Variants in RAP1GAP2 observed in about 807,000 individuals in gnomAD.
RAP1GAP2 encodes RAP1 GTPase activating protein 2.
In RAP1GAP2, 27 loss-of-function variants were observed where a neutral mutation model predicts 95.0. The ratio of observed to expected loss-of-function variants is 0.28; its 90% CI spans 0.21 to 0.39. The LOEUF (loss-of-function observed/expected upper bound fraction) is 0.39, where lower values mean the gene tolerates loss of function less well. Ranked by LOEUF, RAP1GAP2 falls within the 10% of genes least tolerant of loss-of-function variation. The pLI is 1.00. For synonymous variants in RAP1GAP2, 373 were observed against 380.9 expected (o/e 0.98, Z 0.24); for missense variants, 771 against 970.0 (o/e 0.79, Z 2.72).
At chr17:2,905,040 C>T (rs141217695) in intron 2 of RAP1GAP2, among the ~76,000 whole-genome samples, 1,974 of 152,222 alleles carry the variant, frequency 0.013, 41 homozygotes, top group African/African-American at 0.043. Flanking sequence ...CACCACCACG[C>T]CCAGCTAATT....
intron 13 of RAP1GAP2, 106 bp from the exon 14 acceptor site, chr17:2,998,115 G>A: frequency 1.6e-6 from 2 of 1,278,980 alleles, no homozygotes; most frequent in East Asian, 4.7e-5. Flanking sequence ...TTCTCACTCA[G>A]AATTCAGTTT....
intron 8 of RAP1GAP2, among the ~76,000 whole-genome samples, chr17:2,968,922 G>T (rs1239659662): frequency 6.6e-6 from 1 of 152,018 alleles, no homozygotes; most frequent in Admixed American, 6.6e-5. Flanking sequence ...AAAGCAATCA[G>T]TGTGATAAAG....
intron 2 of RAP1GAP2, among the ~76,000 whole-genome samples, chr17:2,832,781 G>T (rs1158683582): frequency 1.3e-5 from 2 of 151,692 alleles, no homozygotes; most frequent in East Asian, 3.9e-4. Flanking sequence ...TTCGAGTCCA[G>T]CCTGGCCAAC....
intron 2 of RAP1GAP2, among the ~76,000 whole-genome samples, chr17:2,859,462 G>A (rs2072282944): frequency 6.6e-6 from 1 of 151,800 alleles, no homozygotes; most frequent in Non-Finnish European, 1.5e-5. Context: ...TGGAGATGTG[G>A]TCTCACTCTG....
chr17:2,867,193 C>A lies in RAP1GAP2; in HGVS notation c.81-38091C>A, dbSNP rs1451161339. Among the ~76,000 whole-genome samples, 1 of 152,216 alleles carries A rather than the reference C, an allele frequency of 6.6e-6. No homozygotes were observed. The highest frequency in any genetic ancestry group is 1.5e-5 in the Non-Finnish European group (1 of 68,050). ...GGGATTACAGGTGTGAGCCACCGTG[C>A]CTGGCCTCTGATTGGTCATTTAGCT... is the stretch of plus-strand genomic sequence containing the variant. On this transcript the variant is annotated intron_variant, in intron 2 of 24. Transcript: ENST00000254695. The surrounding 1 kb of genome is among the most constrained non-coding windows in gnomAD (Gnocchi z 4.5).
chr17:2,974,360 A>AT (rs58989524), intron 8 of RAP1GAP2, among the ~76,000 whole-genome samples: 4 of 151,786 alleles, frequency 2.6e-5, no homozygotes, highest in Non-Finnish European at 4.4e-5. Context: ...AAAAAAAAAA[A>AT]GAAGGAAAAT....
At chr17:2,984,538 A>G (rs1268794315) in intron 10 of RAP1GAP2, among the ~76,000 whole-genome samples, 2 of 152,148 alleles carry the variant, frequency 1.3e-5, no homozygotes, top group Admixed American at 1.3e-4. Flanking sequence ...CATTTTATGC[A>G]GAGGGGACTG....
At chr17:2,812,510 C>CTCAA (rs1248078277) in intron 2 of RAP1GAP2, among the ~76,000 whole-genome samples, 7 of 152,142 alleles carry the variant, frequency 4.6e-5, no homozygotes, top group Non-Finnish European at 8.8e-5. Flanking sequence ...GAAGGCAGAC[C>CTCAA]TTGATAGTGC....
At position 2,986,540 on chromosome 17, in the gene RAP1GAP2, A is replaced by ATT. The variant is rs397964863; in HGVS notation, c.813+1490_813+1491dup. On this transcript the variant is annotated intron_variant, in intron 11 of 24. Transcript: ENST00000254695. Reference sequence around the variant, plus strand: ...TGTGGAGGAAAAAGCCAAGAAGATAATTTTTTTTTTTTTTTTTAAGAACCT... The same window carrying ATT: ...TGTGGAGGAAAAAGCCAAGAAGATAATTTTTTTTTTTTTTTTTTTAAGAACCT... Among the ~76,000 whole-genome samples the ATT allele has an allele frequency of 2.8e-3, 412 of 145,958 alleles. 4 individuals are homozygous for ATT. The highest frequency in any genetic ancestry group is 0.025 in the South Asian group (116 of 4,566).
intron 2 of RAP1GAP2, among the ~76,000 whole-genome samples, chr17:2,876,991 C>T (rs77310835): frequency 0.049 from 7,438 of 151,022 alleles, 187 homozygotes; most frequent in East Asian, 0.089. Context: ...CGGGTTCAAG[C>T]GATTCTCCTG....
chr17:2,769,719 G>A (rs1042256024), intron 1 of RAP1GAP2, among the ~76,000 whole-genome samples: 1 of 152,042 alleles, frequency 6.6e-6, no homozygotes, highest in Non-Finnish European at 1.5e-5. Context: ...CTCCAGTGAC[G>A]GGGAACTTAC....
At chr17:2,931,077 G>A (rs187384534) in intron 3 of RAP1GAP2, among the ~76,000 whole-genome samples, 10 of 145,842 alleles carry the variant, frequency 6.9e-5, no homozygotes, top group Admixed American at 4.3e-4. Flanking sequence ...AGCCGAGATC[G>A]TGCCCTTGCA....
intron 16 of RAP1GAP2, among the ~76,000 whole-genome samples, chr17:3,006,973 G>T (rs1031331330): frequency 6.6e-6 from 1 of 152,206 alleles, no homozygotes; most frequent in Non-Finnish European, 1.5e-5. Flanking sequence ...TGTGTTCAGG[G>T]AAGGCTTCCT....
intron 2 of RAP1GAP2, among the ~76,000 whole-genome samples, chr17:2,858,503 A>G (rs1283314732): frequency 6.6e-6 from 1 of 152,192 alleles, no homozygotes; most frequent in Non-Finnish European, 1.5e-5. Flanking sequence ...TTACGGCCCC[A>G]ATCTTGTTTC....
At chr17:2,960,316 C>T (rs2044267125) in intron 4 of RAP1GAP2, among the ~76,000 whole-genome samples, 1 of 151,996 alleles carries the variant, frequency 6.6e-6, no homozygotes, top group Admixed American at 6.6e-5. Context: ...CTAATGCAGG[C>T]CAAACAAAAC....
chr17:2,897,062 T>C lies in RAP1GAP2; in HGVS notation c.81-8222T>C, dbSNP rs529854182. Among the ~76,000 whole-genome samples the C allele has an allele frequency of 4.1e-4, 63 of 152,316 alleles. 1 individual carries two copies. Among genetic ancestry groups the C allele is most frequent in the Admixed American group, 4.0e-3 (61 of 15,304 alleles). ...TTTATAAACGGGTGTCCAGGCCAGGTGCGCTGGCTCACGCCTATAATCCCA... is the reference window on the plus strand; with the variant it reads ...TTTATAAACGGGTGTCCAGGCCAGGCGCGCTGGCTCACGCCTATAATCCCA... On this transcript the variant is annotated intron_variant, in intron 2 of 24. Transcript: ENST00000254695.
intron 3 of RAP1GAP2, among the ~76,000 whole-genome samples, chr17:2,927,757 T>C (rs9910662): frequency 0.85 from 129,598 of 152,182 alleles, 55,364 homozygotes; most frequent in Non-Finnish European, 0.89. Context: ...ATCGGTAAAA[T>C]GGGCATCTCT....
chr17:2,856,384 A>G (rs1222265119), intron 2 of RAP1GAP2, among the ~76,000 whole-genome samples: 1 of 152,164 alleles, frequency 6.6e-6, no homozygotes, highest in African/African-American at 2.4e-5. Context: ...TTTCTGCCTC[A>G]CCACAAAGGG....
At chr17:2,811,159 C>T (rs1216235040) in intron 2 of RAP1GAP2, among the ~76,000 whole-genome samples, 4 of 152,146 alleles carry the variant, frequency 2.6e-5, no homozygotes, top group Non-Finnish European at 5.9e-5. Context: ...CTGGTCACCC[C>T]GGCCTCTGCA....
Sources: allele counts gnomAD v4.1 joint callset (sites outside exome capture counted in the v4.1 genomes callset), GRCh38; gene constraint gnomAD v4.1.1; non-coding constraint Gnocchi (gnomAD v3.1); transcripts MANE v1.5; gene names NCBI Gene and HGNC (gene_info 2026-07-23, HGNC 2026-07-21).